Variants in ZNRF3 observed in about 807,000 individuals in gnomAD.
ZNRF3 encodes zinc and ring finger 3.
Under a neutral mutation model 72.5 loss-of-function variants are expected in ZNRF3, and 23 were observed. The ratio of observed to expected loss-of-function variants is 0.32; its 90% CI spans 0.23 to 0.45. The LOEUF is 0.45. Among genes scored for constraint, ZNRF3 ranks in the 20% least tolerant of loss-of-function variants. The probability of loss-of-function intolerance (pLI) is 1.00; values close to 1 mark genes in which losing one functional copy is unlikely to be tolerated. For missense variants in ZNRF3, 1,169 were observed against 1,272.1 expected (o/e 0.92, Z 1.23); for synonymous variants, 610 against 545.3 (o/e 1.12, Z -1.65).
At chr22:29,015,253 A>T (rs563117331) in intron 2 of ZNRF3, among the ~76,000 whole-genome samples, 1 of 152,340 alleles carries the variant, frequency 6.6e-6, no homozygotes, top group South Asian at 2.1e-4. Flanking sequence ...GTATATATAA[A>T]ACCTTTATTT....
chr22:28,966,142 T>G (rs541873359), intron 1 of ZNRF3, among the ~76,000 whole-genome samples: 1 of 152,322 alleles, frequency 6.6e-6, no homozygotes, highest in East Asian at 1.9e-4. Context: ...AAGCCCTGAC[T>G]GGCAAAAGCC....
intron 1 of ZNRF3, among the ~76,000 whole-genome samples, chr22:28,982,567 A>T (rs2035784582): frequency 2.5e-5 from 3 of 122,148 alleles, no homozygotes; most frequent in East Asian, 2.5e-4. Flanking sequence ...CCCTGCCTTT[A>T]AAAAAAAAAA....
chr22:28,928,076 A>G (rs1601567908), intron 1 of ZNRF3, among the ~76,000 whole-genome samples: 1 of 152,256 alleles, frequency 6.6e-6, no homozygotes, highest in African/African-American at 2.4e-5. Flanking sequence ...TTTTTGGTAC[A>G]GTTTAGAGCC....
chr22:28,943,457 T>A (rs1409354810), intron 1 of ZNRF3, among the ~76,000 whole-genome samples: 1 of 152,166 alleles, frequency 6.6e-6, no homozygotes, highest in Non-Finnish European at 1.5e-5. Flanking sequence ...TCTTTTAGGG[T>A]TCCCAGCGTC....
At chr22:29,022,131 C>T (rs773707009) in intron 2 of ZNRF3, among the ~76,000 whole-genome samples, 6 of 152,128 alleles carry the variant, frequency 3.9e-5, no homozygotes, top group East Asian at 3.8e-4. Context: ...GCCTCTTTGA[C>T]GCAGCATAAT....
chr22:29,003,100 A>T (rs1232387075), intron 2 of ZNRF3, among the ~76,000 whole-genome samples: 1 of 152,250 alleles, frequency 6.6e-6, no homozygotes, highest in Non-Finnish European at 1.5e-5. Flanking sequence ...CTCTCTGCAG[A>T]TATAATGCAA....
At chr22:28,965,980 A>G (rs2123808316) in intron 1 of ZNRF3, among the ~76,000 whole-genome samples, 1 of 152,332 alleles carries the variant, frequency 6.6e-6, no homozygotes, top group Non-Finnish European at 1.5e-5. Context: ...TTTATACCTC[A>G]ACCCCTTGAT....
chr22:29,020,013 C>T (rs889834606), intron 2 of ZNRF3, among the ~76,000 whole-genome samples: 3 of 152,078 alleles, frequency 2.0e-5, no homozygotes, highest in East Asian at 3.9e-4. Context: ...AGACCTCCCC[C>T]CCAATCCCCC....
At chr22:28,930,746 TC>T (rs1187042075) in intron 1 of ZNRF3, among the ~76,000 whole-genome samples, 2 of 152,222 alleles carry the variant, frequency 1.3e-5, no homozygotes, top group Non-Finnish European at 2.9e-5. Flanking sequence ...GTGTTGGCTA[TC>T]CTTTGCTCTT....
intron 1 of ZNRF3, among the ~76,000 whole-genome samples, chr22:28,949,985 G>A (rs1292821392): frequency 2.6e-5 from 4 of 152,066 alleles, no homozygotes; most frequent in Non-Finnish European, 5.9e-5. Context: ...GTACTCAAGG[G>A]TTGAGATTTA....
In ZNRF3 at chr22:29,048,015, C is replaced by A. The variant is rs775742057; in HGVS notation, c.913-374C>A. Among the ~76,000 whole-genome samples the A allele has an allele frequency of 7.9e-5, 12 of 152,150 alleles. No homozygotes were observed. Among genetic ancestry groups the A allele is most frequent in the Non-Finnish European group, 5.9e-5 (4 of 68,026 alleles). ...CCAGCACCTCAGAGATGCAGAATAT[C>A]TTGGGGTATACCTGGCCCTCTCTCC... On this transcript the variant is annotated intron_variant, in intron 6 of 8. Transcript: ENST00000544604. The surrounding 1 kb of genome is among the most constrained non-coding windows in gnomAD (Gnocchi z 4.9).
intron 1 of ZNRF3, among the ~76,000 whole-genome samples, chr22:28,942,808 T>C (rs1183595785): frequency 1.3e-5 from 2 of 152,312 alleles, no homozygotes; most frequent in Admixed American, 1.3e-4. Flanking sequence ...CCTATTTAGA[T>C]TCTGTGAACC....
chr22:28,944,997 TTTC>T (rs926913843), intron 1 of ZNRF3, among the ~76,000 whole-genome samples: 5 of 151,600 alleles, frequency 3.3e-5, no homozygotes, highest in Non-Finnish European at 7.4e-5. Flanking sequence ...CTCAACAGTT[TTTC>T]TTCTAGGAGT....
intron 1 of ZNRF3, among the ~76,000 whole-genome samples, chr22:28,985,074 T>C (rs1029471881): frequency 1.3e-5 from 2 of 152,196 alleles, no homozygotes; most frequent in African/African-American, 2.4e-5. Flanking sequence ...TCCTGTTGTT[T>C]CATTGAATTG....
intron 2 of ZNRF3, among the ~76,000 whole-genome samples, chr22:29,013,226 A>C (rs529179925): frequency 3.3e-5 from 5 of 152,238 alleles, no homozygotes; most frequent in Admixed American, 3.3e-4. Flanking sequence ...TTTCTTTTTC[A>C]GCTCTCTGCT....
In ZNRF3 at chr22:29,048,372, CCT is replaced by C. The variant is rs1416800744; in HGVS notation, c.913-11_913-10del. On this transcript the variant is annotated splice_polypyrimidine_tract_variant and intron_variant, in intron 6 of 8. Coordinates refer to ENST00000544604, the MANE Select transcript of ZNRF3 (RefSeq NM_001206998.2). The surrounding 1 kb of genome is among the most constrained non-coding windows in gnomAD (Gnocchi z 4.9). ...CGAGGCTGAAGGCAGACTTGTGTCC[CCT>C]CTCTCCCTGCCCAGGAGCTGCGGGT... 1 of 1,610,198 alleles carries C rather than the reference CCT, an allele frequency of 6.2e-7. No individual in the cohort carries two copies. Among genetic ancestry groups the C allele is most frequent in the Non-Finnish European group, 8.5e-7 (1 of 1,177,196 alleles).
intron 1 of ZNRF3, among the ~76,000 whole-genome samples, chr22:28,896,283 T>A (rs1237916097): frequency 6.6e-6 from 1 of 152,002 alleles, no homozygotes. Flanking sequence ...TACAGGCGTG[T>A]GCCACCACGC....
chr22:28,986,995 T>G, intron 1 of ZNRF3, 81 bp from the exon 2 acceptor site: 1 of 1,511,158 alleles, frequency 6.6e-7, no homozygotes, highest in African/African-American at 1.4e-5. Context: ...CTTTTGGCTA[T>G]AGCATCTGAG....
chr22:28,953,617 A>G (rs908311535), intron 1 of ZNRF3, among the ~76,000 whole-genome samples: 3 of 152,220 alleles, frequency 2.0e-5, no homozygotes, highest in South Asian at 2.1e-4. Context: ...CAGGGCTTCA[A>G]CTGAGCTTAG....
Sources: gnomAD v4.1 joint callset for allele counts (sites outside exome capture counted in the v4.1 genomes callset) on GRCh38, gnomAD v4.1.1 for gene constraint, Gnocchi (gnomAD v3.1) non-coding constraint, MANE v1.5 for transcripts, NCBI Gene and HGNC (gene_info 2026-07-23, HGNC 2026-07-21) for gene names.